Variants in RPS6KC1 observed in about 807,000 individuals in gnomAD.
RPS6KC1 encodes ribosomal protein S6 kinase C1.
In RPS6KC1, 54 loss-of-function variants were observed where a neutral mutation model predicts 103.8. The observed-to-expected ratio is 0.52, with a 90% CI of 0.42 to 0.65. RPS6KC1 has a LOEUF of 0.65. RPS6KC1 is among the 30% of genes least tolerant of loss of function. The pLI, the probability that RPS6KC1 is intolerant of heterozygous loss-of-function variation, is 0.00. For missense variants in RPS6KC1, 1,151 were observed against 1,253.8 expected, an observed-to-expected ratio of 0.92 and a Z score of 1.24; for synonymous variants, 439 against 438.7, an observed-to-expected ratio of 1.00 and a Z score of -0.01.
the RPS6KC1 span, among the ~76,000 whole-genome samples, chr1:213,439,345 A>G: frequency 7.0e-6 from 1 of 143,082 alleles, no homozygotes; most frequent in African/African-American, 2.7e-5. Flanking sequence ...TTCTTGGCAG[A>G]CACATTGGTT....
intron 8 of RPS6KC1, among the ~76,000 whole-genome samples, chr1:213,179,371 C>T (rs192139828): frequency 6.6e-6 from 1 of 151,032 alleles, no homozygotes; most frequent in East Asian, 2.0e-4. Context: ...GCCAAGATTG[C>T]ACCACTGCAT....
intron 8 of RPS6KC1, among the ~76,000 whole-genome samples, chr1:213,182,118 A>G (rs1473462993): frequency 6.6e-6 from 1 of 152,184 alleles, no homozygotes; most frequent in African/African-American, 2.4e-5. Flanking sequence ...TAAAATGATG[A>G]CACCAGTAGT....
At chr1:213,662,075 A>G in the RPS6KC1 span, among the ~76,000 whole-genome samples, 1 of 152,148 alleles carries the variant, frequency 6.6e-6, no homozygotes, top group African/African-American at 2.4e-5. Context: ...GGGAGAACCC[A>G]ATGTTTCTAG....
chr1:213,071,094 A>ATGC lies in RPS6KC1; in HGVS notation c.141+55_141+57dup, dbSNP rs2078828954. On this transcript the variant is annotated intron_variant, in intron 2 of 14. Transcript: ENST00000366960. ...ATGTATTTGATAAAAATTTAACTAAATGCTTTTTTGAGGAAATTGCCTGAA... is the reference window on the plus strand; with the variant it reads ...ATGTATTTGATAAAAATTTAACTAAATGCTGCTTTTTTGAGGAAATTGCCTGAA... 3.5e-6 allele frequency: 4 copies of ATGC among 1,138,344 alleles called. No individual in the cohort carries two copies. In the Admixed American group the frequency reaches 7.5e-5, roughly 21 times the overall value. The allele number at this position is 1,138,344 out of a possible 1,614,324, so 70.5% of individuals were successfully genotyped here. A position where few individuals can be genotyped will look rare whatever the true frequency, so the allele number is the denominator to read the frequency against.
intron 8 of RPS6KC1, among the ~76,000 whole-genome samples, chr1:213,178,221 A>G (rs1261578916): frequency 6.7e-6 from 1 of 149,190 alleles, no homozygotes; most frequent in East Asian, 2.0e-4. Flanking sequence ...AAATAAATAA[A>G]TAAATAAATA....
intron 6 of RPS6KC1, among the ~76,000 whole-genome samples, chr1:213,145,967 GTTTTTTTTTTTTTTT>G (rs71573864): frequency 1.7e-4 from 8 of 47,804 alleles, no homozygotes; most frequent in Non-Finnish European, 2.0e-4. Context: ...CATTCATTCT[GTTTTTTTTTTTTTTT>G]TTTTTTTTTT....
chr1:213,584,612 T>C, the RPS6KC1 span, among the ~76,000 whole-genome samples: 1 of 152,350 alleles, frequency 6.6e-6, no homozygotes, highest in East Asian at 1.9e-4. Context: ...TCTTCCCTAA[T>C]ATTATGCTCT....
chr1:213,354,731 C>T, the RPS6KC1 span, among the ~76,000 whole-genome samples: 14 of 152,280 alleles, frequency 9.2e-5, no homozygotes, highest in South Asian at 1.9e-3. Context: ...ACCAGTCCCA[C>T]TCCTATGATA....
chr1:213,541,083 T>A, the RPS6KC1 span, among the ~76,000 whole-genome samples: 247 of 80,254 alleles, frequency 3.1e-3, 1 homozygote, highest in African/African-American at 8.4e-3. Flanking sequence ...AAGTCATCCA[T>A]GGGGTTTGGA....
At chr1:213,682,603 G>C in the RPS6KC1 span, among the ~76,000 whole-genome samples, 1 of 152,214 alleles carries the variant, frequency 6.6e-6, no homozygotes, top group Non-Finnish European at 1.5e-5. Flanking sequence ...AAAATTCCCT[G>C]TAGATCTGAG....
chr1:213,146,584 C>T (rs2087860980), intron 6 of RPS6KC1, among the ~76,000 whole-genome samples: 1 of 151,892 alleles, frequency 6.6e-6, no homozygotes, highest in South Asian at 2.1e-4. Context: ...CGCCACCATG[C>T]CCGGGTAATT....
At chr1:213,655,272 GCCT>G in the RPS6KC1 span, among the ~76,000 whole-genome samples, 1 of 152,108 alleles carries the variant, frequency 6.6e-6, no homozygotes, top group African/African-American at 2.4e-5. Context: ...CGAACTCCTG[GCCT>G]CAAGTGAGCC....
At chr1:213,368,473 G>T in the RPS6KC1 span, among the ~76,000 whole-genome samples, 1 of 152,184 alleles carries the variant, frequency 6.6e-6, no homozygotes, top group African/African-American at 2.4e-5. Context: ...TAGGGAGGGG[G>T]CTCCTATAAG....
At chr1:213,556,334 CT>C in the RPS6KC1 span, among the ~76,000 whole-genome samples, 1 of 152,128 alleles carries the variant, frequency 6.6e-6, no homozygotes, top group Non-Finnish European at 1.5e-5. Flanking sequence ...TTTTTTAAAC[CT>C]TTTAAAGAAG....
the RPS6KC1 span, among the ~76,000 whole-genome samples, chr1:213,776,719 T>G: frequency 6.6e-6 from 1 of 152,188 alleles, no homozygotes; most frequent in Non-Finnish European, 1.5e-5. Context: ...GCCTTTGAAG[T>G]TTTGAAACCA....
chr1:213,311,757 G>A, the RPS6KC1 span, among the ~76,000 whole-genome samples: 1 of 152,064 alleles, frequency 6.6e-6, no homozygotes, highest in African/African-American at 2.4e-5. Context: ...AAAGACTGAT[G>A]ATTTTAAACA....
chr1:213,304,492 G>T, the RPS6KC1 span, among the ~76,000 whole-genome samples: 1 of 150,676 alleles, frequency 6.6e-6, no homozygotes, highest in East Asian at 1.9e-4. Context: ...TGCATATTAT[G>T]TATTATTATA....
At chr1:213,344,979 T>C in the RPS6KC1 span, among the ~76,000 whole-genome samples, 1 of 151,990 alleles carries the variant, frequency 6.6e-6, no homozygotes. Context: ...TAAATGAATA[T>C]ATGAAGAAAA....
the RPS6KC1 span, among the ~76,000 whole-genome samples, chr1:213,782,427 C>G: frequency 6.6e-6 from 1 of 152,112 alleles, no homozygotes; most frequent in East Asian, 1.9e-4. Flanking sequence ...AATGCTCAAC[C>G]TGCACCTGGT....
Sources: gnomAD v4.1 joint callset for allele counts (sites outside exome capture counted in the v4.1 genomes callset) on GRCh38, gnomAD v4.1.1 for gene constraint, MANE v1.5 for transcripts, NCBI Gene and HGNC (gene_info 2026-07-23, HGNC 2026-07-21) for gene names.